Variants in IL16 observed in about 807,000 individuals in gnomAD.
IL16 encodes the protein pro-interleukin-16.
Under a neutral mutation model 110.1 loss-of-function variants are expected in IL16, and 67 were observed. The ratio of observed to expected loss-of-function variants is 0.61; its 90% CI spans 0.50 to 0.75. IL16 has a LOEUF of 0.75. Among genes scored for constraint, IL16 ranks in the 30% least tolerant of loss-of-function variants. The pLI, the probability that IL16 is intolerant of heterozygous loss-of-function variation, is 0.00. For synonymous variants in IL16, 689 were observed against 662.9 expected (o/e 1.04, Z -0.61); for missense variants, 1,545 against 1,655.0 (o/e 0.93, Z 1.15).
intron 2 of IL16, among the ~76,000 whole-genome samples, chr15:81,232,876 A>G (rs1393396799): frequency 2.0e-5 from 3 of 152,174 alleles, no homozygotes; most frequent in African/African-American, 7.2e-5. Flanking sequence ...TGACCTCATG[A>G]AATGAGTTAG....
At chr15:81,186,094 G>C (rs1486384124) in intron 1 of IL16, among the ~76,000 whole-genome samples, 1 of 152,102 alleles carries the variant, frequency 6.6e-6, no homozygotes, top group Non-Finnish European at 1.5e-5. Flanking sequence ...CAACCCCTCA[G>C]TGTGCATCCC....
At chr15:81,254,788 A>G (rs1276033786) in intron 2 of IL16, among the ~76,000 whole-genome samples, 1 of 152,190 alleles carries the variant, frequency 6.6e-6, no homozygotes, top group African/African-American at 2.4e-5. Flanking sequence ...TCCTACAGAG[A>G]ATCCTTTGAT....
intron 2 of IL16, among the ~76,000 whole-genome samples, chr15:81,243,164 T>TATATACA (rs60077602): frequency 6.3e-5 from 1 of 15,766 alleles, no homozygotes; most frequent in Non-Finnish European, 1.1e-4. Context: ...TATATATATA[T>TATATACA]TTTTTTTTTT....
At chr15:81,307,926 C>T (rs1900654515) in intron 18 of IL16, among the ~76,000 whole-genome samples, 1 of 152,146 alleles carries the variant, frequency 6.6e-6, no homozygotes, top group South Asian at 2.1e-4. Context: ...AAATAATTGC[C>T]CAATACACTT....
chr15:81,284,960 G>C (rs1400481700), intron 9 of IL16, among the ~76,000 whole-genome samples: 1 of 152,088 alleles, frequency 6.6e-6, no homozygotes, highest in African/African-American at 2.4e-5. Flanking sequence ...GTCAATTCCT[G>C]AGCAGACCTA....
At position 81,299,944 on chromosome 15, in the gene IL16, A is replaced by T. The variant is rs747594703; in HGVS notation, c.2618A>T (p.Lys873Ile). Residue 873 changes from lysine to isoleucine, a missense_variant, in exon 14 of 19, where the codon AAA becomes ATA. Physicochemically the swap from Lys to Ile is moderately radical, Grantham distance 102. Around this residue, in one of 3 missense-constraint regions of IL16, gnomAD observed 1,185 missense variants for 1,238.8 expected, o/e 0.96. Transcript: ENST00000683961. ...CAGCCCTCCTCTGGGGAGGCAGCAA[A>T]ACCTCTTGGGAAGCATGAGGAAGGA... ...SLQPSSGEAA[K>I]PLGKHEEGRF... 4 of 1,612,542 alleles carry T rather than the reference A, an allele frequency of 2.5e-6. No homozygotes were observed. In the Admixed American group the frequency reaches 6.7e-5, roughly 27 times the overall value.
Position 81,265,738 on chromosome 15 carries a change from C to T in IL16, c.501C>T (p.Tyr167=), listed in dbSNP as rs754862833. 5.0e-6 allele frequency: 8 copies of T among 1,613,840 alleles called. No homozygotes were observed. In the African/African-American group the frequency reaches 6.7e-5, roughly 13 times the overall value. The change falls in exon 4 of 19, where the codon TAC becomes TAT. Residue 167 remains tyrosine (Y), a synonymous_variant. Coordinates refer to ENST00000683961, the MANE Select transcript of IL16 (RefSeq NM_172217.5). ...KSAAPTDRQP[Y]SLCSNRKSLS... is the part of the protein sequence containing the mutation. ...CAGCGCCCACGGACAGGCAGCCTTACTCTCTCTGCAGTAACAGGAAGTCCC... is the reference window on the plus strand; with the variant it reads ...CAGCGCCCACGGACAGGCAGCCTTATTCTCTCTGCAGTAACAGGAAGTCCC...
intron 1 of IL16, among the ~76,000 whole-genome samples, chr15:81,221,619 A>G (rs1198989436): frequency 2.0e-5 from 3 of 151,934 alleles, no homozygotes; most frequent in African/African-American, 7.3e-5. Flanking sequence ...AGGGAAGGCA[A>G]TCTCCCACAG....
At position 81,291,589 on chromosome 15, in the gene IL16, C is replaced by T. The variant is rs1050644265; in HGVS notation, c.1421-967C>T. ...TTTGAGCAAGAGACTAGATTTCAAT[C>T]CTCTCCCACCCCTTCAAGCTGTGAT... On this transcript the variant is annotated intron_variant, in intron 11 of 18. Transcript: ENST00000683961. Among the ~76,000 whole-genome samples, 28 of 152,168 alleles carry T rather than the reference C, an allele frequency of 1.8e-4. 1 individual carries two copies. Among genetic ancestry groups the T allele is most frequent in the Admixed American group, 7.9e-4 (12 of 15,286 alleles).
chr15:81,303,738 T>C lies in IL16; in HGVS notation c.3420+88T>C. On this transcript the variant is annotated intron_variant, in intron 16 of 18. Coordinates refer to ENST00000683961, the MANE Select transcript of IL16 (RefSeq NM_172217.5). The surrounding 1 kb of genome is among the most constrained non-coding windows in gnomAD (Gnocchi z 4.1). ...CACTTGCCAGGAAGGGGCCCTGTGC[T>C]GGGGAAATGAAGAATGCATGACACT... 1 of 872,886 alleles carries C rather than the reference T, an allele frequency of 1.1e-6. No homozygotes were observed. Among genetic ancestry groups the C allele is most frequent in the South Asian group, 1.4e-5 (1 of 70,804 alleles). The allele number at this position is 872,886 out of a possible 1,614,324, so 54.1% of individuals were successfully genotyped here.
chr15:81,248,182 A>G (rs1283448781), intron 2 of IL16, among the ~76,000 whole-genome samples: 1 of 152,084 alleles, frequency 6.6e-6, no homozygotes, highest in African/African-American at 2.4e-5. Context: ...TTTTGTTTGA[A>G]TCTACCTTGT....
Position 81,234,818 on chromosome 15 carries a change from G to C in IL16, c.312+9107G>C, listed in dbSNP as rs74030038. 3.7e-3 allele frequency among the ~76,000 whole-genome samples: 558 copies of C among 152,032 alleles called. 4 individuals carry two copies. The highest frequency in any genetic ancestry group is 0.013 in the African/African-American group (530 of 41,452). On this transcript the variant is annotated intron_variant, in intron 2 of 18. Transcript: ENST00000683961. ...AAGTGTCTAAAAAGTTATAAGTCAA[G>C]GTAAAATATGTTAAAAATACATGTT... is the stretch of plus-strand genomic sequence containing the variant.
intron 1 of IL16, among the ~76,000 whole-genome samples, chr15:81,221,711 T>C (rs907016874): frequency 6.6e-6 from 1 of 151,690 alleles, no homozygotes; most frequent in East Asian, 1.9e-4. Flanking sequence ...ATGACAAGGC[T>C]CATTTTGAAA....
At chr15:81,295,474 C>A (rs941990871) in intron 12 of IL16, 2 of 1,289,686 alleles carry the variant, frequency 1.6e-6, no homozygotes, top group African/African-American at 3.0e-5. Flanking sequence ...AAAGAGCTAA[C>A]AATTCATGAA....
At chr15:81,201,494 G>A (rs1290607057) in intron 1 of IL16, among the ~76,000 whole-genome samples, 1 of 152,136 alleles carries the variant, frequency 6.6e-6, no homozygotes, top group African/African-American at 2.4e-5. Flanking sequence ...GGAGATCTTA[G>A]TTGTTCATCC....
intron 6 of IL16, among the ~76,000 whole-genome samples, chr15:81,277,579 G>A (rs1004483104): frequency 1.3e-5 from 2 of 152,024 alleles, no homozygotes; most frequent in African/African-American, 4.8e-5. Context: ...AAGTAGTTGG[G>A]ACTACAGGTG....
chr15:81,257,088 T>C (rs955125452), intron 2 of IL16, among the ~76,000 whole-genome samples: 1 of 152,242 alleles, frequency 6.6e-6, no homozygotes, highest in African/African-American at 2.4e-5. Context: ...ACCTTCTCTA[T>C]AGTCACTGCT....
chr15:81,275,464 G>A (rs904927094), intron 6 of IL16, among the ~76,000 whole-genome samples: 1 of 150,352 alleles, frequency 6.7e-6, no homozygotes, highest in Non-Finnish European at 1.5e-5. Context: ...ATGTCAAAGA[G>A]AGGAAAAAAG....
At chr15:81,229,732 T>C (rs1347574620) in intron 2 of IL16, among the ~76,000 whole-genome samples, 1 of 152,160 alleles carries the variant, frequency 6.6e-6, no homozygotes, top group Non-Finnish European at 1.5e-5. Flanking sequence ...TTCTCCCTTC[T>C]CACAGGGACA....
Sources: gnomAD v4.1 joint callset for allele counts (sites outside exome capture counted in the v4.1 genomes callset) on GRCh38, gnomAD v4.1.1 for gene constraint, gnomAD v4.1.1 regional missense constraint, Gnocchi (gnomAD v3.1) non-coding constraint, MANE v1.5 for transcripts, NCBI Gene and HGNC (gene_info 2026-07-23, HGNC 2026-07-21) for gene names.